Variants in TRAPPC6B observed in about 807,000 individuals in gnomAD.
TRAPPC6B encodes the protein trafficking protein particle complex subunit 6B, also known as TRAPP complex subunit 6B.
In TRAPPC6B, 27 loss-of-function variants were observed where a neutral mutation model predicts 24.7. The ratio of observed to expected loss-of-function variants is 1.09; its 90% CI spans 0.81 to 1.51. The LOEUF is 1.51. TRAPPC6B is among the 40% of genes most tolerant of loss of function. TRAPPC6B has a pLI of 0.00. For missense variants in TRAPPC6B, 212 were observed against 190.8 expected, an observed-to-expected ratio of 1.11 and a Z score of -0.66; for synonymous variants, 80 against 66.6, an observed-to-expected ratio of 1.20 and a Z score of -0.98.
Position 39,158,415 on chromosome 14 carries a change from A to C in TRAPPC6B, c.150-13T>G, listed in dbSNP as rs2053012555. The C allele has an allele frequency of 7.0e-7, 1 of 1,431,872 alleles. No homozygotes were observed. Among genetic ancestry groups the C allele is most frequent in the South Asian group, 1.2e-5 (1 of 81,652 alleles). 88.7% of individuals were successfully genotyped at this position (1,431,872 alleles called of 1,614,324 possible). On this transcript the variant is annotated splice_polypyrimidine_tract_variant and intron_variant, in intron 2 of 5. Transcript: ENST00000330149. ...ATCTTTTGTAAACCTAAAAAGATCA[A>C]CTAGAAGTAATACAGTATTTCTCCT...
In TRAPPC6B at chr14:39,169,937, A is replaced by C. The variant is rs548572791; in HGVS notation, c.81+78T>G. On this transcript the variant is annotated intron_variant, in intron 1 of 5. Transcript: ENST00000330149. ...GGGAGGCGTCGGGTGGCGATGGGAC[A>C]GGGGTTGAAGGAAAGCACTGAGGGG... 4 of 1,448,856 alleles carry C rather than the reference A, an allele frequency of 2.8e-6. No individual in the cohort carries two copies. In the African/African-American group the frequency reaches 5.6e-5, roughly 20 times the overall value. The allele number at this position is 1,448,856 out of a possible 1,614,324, so 89.8% of individuals were successfully genotyped here.
intron 3 of TRAPPC6B, chr14:39,157,827 G>C (rs1051459489): frequency 1.4e-5 from 3 of 207,886 alleles, no homozygotes; most frequent in African/African-American, 6.9e-5. Flanking sequence ...AAAAGGCAAA[G>C]GCTAAAGAAC....
intron 1 of TRAPPC6B, 35 bp downstream of exon 1, chr14:39,169,980 G>A (rs754334798): frequency 5.6e-6 from 9 of 1,606,634 alleles, no homozygotes; most frequent in Non-Finnish European, 7.7e-6. Context: ...GTGTGTCACC[G>A]CAAAAGGACC....
At chr14:39,166,270 C>A (rs76153803) in intron 1 of TRAPPC6B, among the ~76,000 whole-genome samples, 16,791 of 115,864 alleles carry the variant, frequency 0.14, 1,154 homozygotes, top group East Asian at 0.35. Context: ...AAAAAAAAAA[C>A]AAAAAAACAA....
chr14:39,159,102 C>A (rs546978789), intron 2 of TRAPPC6B: 1 of 153,538 alleles, frequency 6.5e-6, no homozygotes, highest in East Asian at 1.9e-4. Context: ...GATAATTACA[C>A]GCATAAACAT....
At position 39,158,334 on chromosome 14, in the gene TRAPPC6B, CA is replaced by C. The variant is rs2139382588; in HGVS notation, c.217del (p.Trp73GlyfsTer12). On this transcript the variant is annotated frameshift_variant, in exon 3 of 6. Transcript: ENST00000330149. LOFTEE classifies it high-confidence loss of function. ...GATTTGTTTCTTGAATACCGTAGTC[CA>C]AAAATCTTTACAAATGAACTTCATG... ...DIMKFICKDF[W>X]TTVFKKQIDN... 1.2e-6 allele frequency: 2 copies of C among 1,603,250 alleles called. No individual in the cohort carries two copies.
intron 1 of TRAPPC6B, among the ~76,000 whole-genome samples, chr14:39,165,585 A>G (rs528575327): frequency 2.6e-5 from 4 of 152,300 alleles, no homozygotes; most frequent in East Asian, 3.9e-4. Context: ...ACTTGAGACT[A>G]GGAGTCTGAG....
chr14:39,161,757 C>G (rs1455424929), intron 1 of TRAPPC6B, among the ~76,000 whole-genome samples: 1 of 152,154 alleles, frequency 6.6e-6, no homozygotes, highest in East Asian at 1.9e-4. Flanking sequence ...CACTAGCCTC[C>G]TGCAGCACCC....
At chr14:39,166,549 G>A (rs567475267) in intron 1 of TRAPPC6B, among the ~76,000 whole-genome samples, 7 of 152,260 alleles carry the variant, frequency 4.6e-5, no homozygotes, top group Admixed American at 2.6e-4. Context: ...CTTAAAGCAA[G>A]AATGATAATA....
intron 3 of TRAPPC6B, chr14:39,157,121 A>G (rs898668470): frequency 3.8e-5 from 5 of 130,692 alleles, no homozygotes; most frequent in Admixed American, 2.5e-4. Context: ...AAAAAAAAAA[A>G]AAAAAGAAAG....
At chr14:39,167,639 G>T (rs2053121496) in intron 1 of TRAPPC6B, among the ~76,000 whole-genome samples, 1 of 151,940 alleles carries the variant, frequency 6.6e-6, no homozygotes, top group Non-Finnish European at 1.5e-5. Flanking sequence ...TTTCAGTATG[G>T]GTTCTGATTA....
rs1305836612 is a variant in TRAPPC6B at position 39,170,129 on chromosome 14, C to G, written c.-34G>C. The G allele has an allele frequency of 1.2e-6, 2 of 1,612,022 alleles. No homozygotes were observed. Among genetic ancestry groups the G allele is most frequent in the East Asian group, 4.5e-5 (2 of 44,872 alleles). ...AATTCTTCCAAGCTTCGAGTTTTGG[C>G]TCCCGTTTGAGCTGGTCTGGGGGTT... is the stretch of plus-strand genomic sequence containing the variant. On this transcript the variant is annotated 5_prime_UTR_variant, in exon 1 of 6. Coordinates refer to ENST00000330149, the MANE Select transcript of TRAPPC6B (RefSeq NM_001079537.2).
Position 39,170,330 on chromosome 14 carries a change from G to C in TRAPPC6B, c.-235C>G. 3.7e-6 allele frequency: 2 copies of C among 533,592 alleles called. No homozygotes were observed. Among genetic ancestry groups the C allele is most frequent in the South Asian group, 4.9e-5 (2 of 41,056 alleles). The allele number at this position is 533,592 out of a possible 1,614,324, so 33.1% of individuals were successfully genotyped here. A position where few individuals can be genotyped will look rare whatever the true frequency, so the allele number is the denominator to read the frequency against. On this transcript the variant is annotated 5_prime_UTR_variant, in exon 1 of 6. Transcript: ENST00000330149. ...TACCAAATCCTAGGGCCGAACTAAA[G>C]TCTGACGGGAGCTCTAACCAAAGCC...
rs1372725038 is a variant in TRAPPC6B at position 39,151,493 on chromosome 14, TAC to T, written c.445+251_445+252del. Among the ~76,000 whole-genome samples the T allele has an allele frequency of 2.0e-5, 3 of 151,890 alleles. No individual in the cohort carries two copies. In the East Asian group the frequency reaches 5.8e-4, roughly 29 times the overall value. ...TTCAGAAGAATATCTTTAAAAAAGT[TAC>T]AGTTTGAATAACTTTAGAAAAGTTA... is the stretch of plus-strand genomic sequence containing the variant. On this transcript the variant is annotated intron_variant, in intron 5 of 5. Transcript: ENST00000330149.
chr14:39,164,654 T>C (rs893392755), intron 1 of TRAPPC6B, among the ~76,000 whole-genome samples: 11 of 151,918 alleles, frequency 7.2e-5, no homozygotes, highest in African/African-American at 2.2e-4. Context: ...CTGGGCAACA[T>C]AGTGAAACCT....
intron 1 of TRAPPC6B, among the ~76,000 whole-genome samples, chr14:39,168,700 C>T (rs1277933400): frequency 6.6e-6 from 1 of 152,180 alleles, no homozygotes; most frequent in African/African-American, 2.4e-5. Context: ...TAATTTTCAA[C>T]TCCCACTCCC....
At chr14:39,166,573 C>T (rs2053111051) in intron 1 of TRAPPC6B, among the ~76,000 whole-genome samples, 1 of 152,156 alleles carries the variant, frequency 6.6e-6, no homozygotes, top group African/African-American at 2.4e-5. Context: ...CTTCCCGAAA[C>T]TAAATCACCT....
Position 39,159,371 on chromosome 14 carries a change from T to C in TRAPPC6B, c.149+112A>G, listed in dbSNP as rs542639971. 13 of 649,406 alleles carry C rather than the reference T, an allele frequency of 2.0e-5. No homozygotes were observed. The African/African-American group carries it at 2.5e-4, about 12-fold the overall frequency. The allele number at this position is 649,406 out of a possible 1,614,324, so 40.2% of individuals were successfully genotyped here. ...ATTTTAATTTTTGAAGTAAAGAGAATAACATTCAGGAATTAAAATTAAAAT... is the reference window on the plus strand; with the variant it reads ...ATTTTAATTTTTGAAGTAAAGAGAACAACATTCAGGAATTAAAATTAAAAT... On this transcript the variant is annotated intron_variant, in intron 2 of 5. Coordinates refer to ENST00000330149, the MANE Select transcript of TRAPPC6B (RefSeq NM_001079537.2).
At chr14:39,161,701 T>G (rs1331699054) in intron 1 of TRAPPC6B, among the ~76,000 whole-genome samples, 2 of 152,138 alleles carry the variant, frequency 1.3e-5, no homozygotes, top group Non-Finnish European at 2.9e-5. Flanking sequence ...ATTAGCATCT[T>G]CAAACCAACC....
Sources: gnomAD v4.1 joint callset for allele counts (sites outside exome capture counted in the v4.1 genomes callset) on GRCh38, gnomAD v4.1.1 for gene constraint, MANE v1.5 for transcripts, NCBI Gene and HGNC (gene_info 2026-07-23, HGNC 2026-07-21) for gene names.